The following DIAPH3 variants were observed in gnomAD, a reference collection of about 807,000 sequenced individuals.
DIAPH3 encodes protein diaphanous homolog 3.
Under a neutral mutation model 144.3 loss-of-function variants are expected in DIAPH3, and 117 were observed. The ratio of observed to expected loss-of-function variants is 0.81; its 90% CI spans 0.70 to 0.95. The LOEUF is 0.95. Ranked by LOEUF, DIAPH3 falls within the 40% of genes least tolerant of loss-of-function variation. DIAPH3 has a pLI of 0.00. For synonymous variants in DIAPH3, 519 were observed against 488.9 expected, an observed-to-expected ratio of 1.06 and a Z score of -0.81; for missense variants, 1,421 against 1,412.7, an observed-to-expected ratio of 1.01 and a Z score of -0.09.
intron 17 of DIAPH3, among the ~76,000 whole-genome samples, chr13:59,925,347 A>C (rs948040688): frequency 6.6e-6 from 1 of 152,170 alleles, no homozygotes; most frequent in Non-Finnish European, 1.5e-5. Context: ...AAAAATTAAC[A>C]GAATAAATTT....
chr13:60,027,411 T>C (rs896315221), intron 5 of DIAPH3, among the ~76,000 whole-genome samples: 5 of 152,352 alleles, frequency 3.3e-5, no homozygotes, highest in Middle Eastern at 3.4e-3. Context: ...CAATCATTTA[T>C]TCCCACTTTT....
intron 5 of DIAPH3, among the ~76,000 whole-genome samples, chr13:60,028,885 C>T (rs567931906): frequency 6.6e-6 from 1 of 151,966 alleles, no homozygotes; most frequent in Non-Finnish European, 1.5e-5. Flanking sequence ...ATGGTGAAAC[C>T]CCATCTCTAC....
intron 27 of DIAPH3, among the ~76,000 whole-genome samples, chr13:59,680,352 C>T (rs895131525): frequency 7.9e-5 from 12 of 152,122 alleles, no homozygotes; most frequent in Admixed American, 7.2e-4. Flanking sequence ...TAAAAAAATG[C>T]TGTAGAGATT....
At chr13:59,883,834 C>T (rs1360571946) in intron 20 of DIAPH3, among the ~76,000 whole-genome samples, 1 of 152,132 alleles carries the variant, frequency 6.6e-6, no homozygotes, top group Non-Finnish European at 1.5e-5. Context: ...CAGTAGTTAT[C>T]AAGTAACACC....
rs373003172 is a variant in DIAPH3, at chr13:59,825,499, G to T, written c.3027+7608C>A. Among the ~76,000 whole-genome samples, 3 of 152,146 alleles carry T rather than the reference G, an allele frequency of 2.0e-5. No homozygotes were observed. The East Asian group carries it at 5.8e-4, about 29-fold the overall frequency. On this transcript the variant is annotated intron_variant, in intron 24 of 27. Coordinates refer to ENST00000400324, the MANE Select transcript of DIAPH3 (RefSeq NM_001042517.2). ...GTGAATAGTGTACAATAAACATATGGGTGCATGTGTCTTTACAGCAGCATG... is the reference window on the plus strand; with the variant it reads ...GTGAATAGTGTACAATAAACATATGTGTGCATGTGTCTTTACAGCAGCATG...
At chr13:59,944,539 C>A (rs1220151829) in intron 17 of DIAPH3, among the ~76,000 whole-genome samples, 1 of 152,060 alleles carries the variant, frequency 6.6e-6, no homozygotes, top group African/African-American at 2.4e-5. Context: ...TGGAAGACAA[C>A]TGGAGAATAG....
At chr13:59,829,520 A>G (rs75709320) in intron 24 of DIAPH3, among the ~76,000 whole-genome samples, 3,245 of 152,026 alleles carry the variant, frequency 0.021, 87 homozygotes, top group East Asian at 0.12. Flanking sequence ...TAATAACAGT[A>G]CACATACCAC....
rs746761282 is a variant in DIAPH3 at position 59,992,490 on chromosome 13, A to G, written c.1108T>C (p.Leu370=). 8.7e-6 allele frequency: 14 copies of G among 1,611,708 alleles called. 1 individual carries two copies. In the Admixed American group the frequency reaches 2.2e-4, roughly 25 times the overall value. Residue 370 remains leucine (L), a synonymous_variant, in exon 10 of 28, where the codon TTG becomes CTG. Transcript: ENST00000400324. ...GCACTTACTGGCAATATCTCTTTCA[A>G]TCCACAACGCATAAATTCATTTCTG... ...HIRNEFMRCG[L]KEILPNLKCI...
At chr13:59,721,127 T>G (rs913463666) in intron 27 of DIAPH3, among the ~76,000 whole-genome samples, 1 of 152,226 alleles carries the variant, frequency 6.6e-6, no homozygotes, top group African/African-American at 2.4e-5. Context: ...TTTTGATTTA[T>G]AGTTTACATA....
intron 14 of DIAPH3, among the ~76,000 whole-genome samples, chr13:59,975,975 T>C (rs2050655729): frequency 1.3e-5 from 2 of 151,862 alleles, no homozygotes; most frequent in Non-Finnish European, 2.9e-5. Flanking sequence ...GTCTCAGAGG[T>C]CCGCCCACCT....
chr13:59,815,893 T>C (rs17070131), intron 24 of DIAPH3, among the ~76,000 whole-genome samples: 6,498 of 152,278 alleles, frequency 0.043, 234 homozygotes, highest in Admixed American at 0.11. Flanking sequence ...CTTTACATTT[T>C]CAACTCCTAC....
At chr13:60,142,306 T>C (rs1403333717) in intron 1 of DIAPH3, among the ~76,000 whole-genome samples, 2 of 152,184 alleles carry the variant, frequency 1.3e-5, no homozygotes, top group African/African-American at 2.4e-5. Flanking sequence ...GTGGCTTAGT[T>C]ATGCTTCCAG....
chr13:59,822,497 GT>G (rs2041124552), intron 24 of DIAPH3, among the ~76,000 whole-genome samples: 1 of 152,064 alleles, frequency 6.6e-6, no homozygotes, highest in Non-Finnish European at 1.5e-5. Context: ...CTAGAGTGCA[GT>G]GGTGCGATCT....
chr13:59,872,437 T>A (rs981003578), intron 21 of DIAPH3, among the ~76,000 whole-genome samples: 8 of 152,188 alleles, frequency 5.3e-5, no homozygotes, highest in African/African-American at 1.7e-4. Flanking sequence ...CTGGTGGTGG[T>A]GGATTCTGTA....
chr13:60,051,880 T>C (rs1290256144), intron 4 of DIAPH3, among the ~76,000 whole-genome samples: 1 of 152,100 alleles, frequency 6.6e-6, no homozygotes, highest in African/African-American at 2.4e-5. Flanking sequence ...AACACCGAGC[T>C]GAAGGTAGGA....
At chr13:59,707,083 T>A (rs1165344376) in intron 27 of DIAPH3, among the ~76,000 whole-genome samples, 1 of 152,200 alleles carries the variant, frequency 6.6e-6, no homozygotes, top group Non-Finnish European at 1.5e-5. Flanking sequence ...AAACAGACTT[T>A]AACACAAAAT....
intron 3 of DIAPH3, among the ~76,000 whole-genome samples, chr13:60,111,379 T>C (rs1041589591): frequency 6.6e-6 from 1 of 152,136 alleles, no homozygotes; most frequent in African/African-American, 2.4e-5. Context: ...CCCATAACAA[T>C]GCAAACAGTA....
rs60853102 is a variant in DIAPH3 at position 60,105,099 on chromosome 13, C to CAAA, written c.390+6908_390+6910dup. On this transcript the variant is annotated intron_variant, in intron 3 of 27. Coordinates refer to ENST00000400324, the MANE Select transcript of DIAPH3 (RefSeq NM_001042517.2). ...TGGGCGACAAAGTGAGACACGATCTCAAAAAAAAAAAAAAAAAAAAAAAAA... is the reference window on the plus strand; with the variant it reads ...TGGGCGACAAAGTGAGACACGATCTCAAAAAAAAAAAAAAAAAAAAAAAAAAAA... Among the ~76,000 whole-genome samples the CAAA allele has an allele frequency of 3.7e-3, 155 of 41,810 alleles. 7 individuals carry two copies. The highest frequency in any genetic ancestry group is 7.6e-3 in the East Asian group (11 of 1,450). 27.4% of individuals were successfully genotyped at this position (41,810 alleles called of 152,430 possible).
At chr13:59,716,471 G>A (rs557497558) in intron 27 of DIAPH3, among the ~76,000 whole-genome samples, 2 of 152,102 alleles carry the variant, frequency 1.3e-5, no homozygotes, top group South Asian at 2.1e-4. Context: ...CACCGTGCCC[G>A]GCCCCAGGAA....
Sources: gnomAD v4.1 joint callset for allele counts (sites outside exome capture counted in the v4.1 genomes callset) on GRCh38, gnomAD v4.1.1 for gene constraint, MANE v1.5 for transcripts, NCBI Gene and HGNC (gene_info 2026-07-23, HGNC 2026-07-21) for gene names.